ADAMTSL1: variants seen among roughly 807,000 people sequenced by gnomAD.
ADAMTSL1 encodes the protein ADAMTS like 1.
In ADAMTSL1, 126 loss-of-function variants were observed where a neutral mutation model predicts 201.8. That is an observed-to-expected ratio of 0.62 (90% CI 0.54 to 0.72). The LOEUF (loss-of-function observed/expected upper bound fraction) is 0.72, where lower values mean the gene tolerates loss of function less well. Ranked by LOEUF, ADAMTSL1 falls within the 30% of genes least tolerant of loss-of-function variation. The pLI, the probability that ADAMTSL1 is intolerant of heterozygous loss-of-function variation, is 0.00. For synonymous variants in ADAMTSL1, 1,121 were observed against 903.4 expected (o/e 1.24, Z -4.32); for missense variants, 2,679 against 2,277.8 (o/e 1.18, Z -3.59).
intron 2 of ADAMTSL1, among the ~76,000 whole-genome samples, chr9:18,347,386 T>C (rs991369117): frequency 6.6e-6 from 1 of 151,592 alleles, no homozygotes; most frequent in Non-Finnish European, 1.5e-5. Flanking sequence ...ACCACCAAGA[T>C]GATGAATGAC....
chr9:18,574,206 C>T lies in ADAMTSL1; in HGVS notation c.414C>T (p.Val138=). ...TGGTTGTTGAACTAGCACCTAAGGT[C>T]TTAGATGGTACGCGTTGCTATACAG... The part of the protein sequence containing the change: ...TTLVVELAPK[V]LDGTRCYTES... The change falls in exon 4 of 29, where the codon GTC becomes GTT. Residue 138 remains valine, a synonymous_variant. Transcript: ENST00000380548. 1 of 1,614,144 alleles carries T rather than the reference C, an allele frequency of 6.2e-7. No homozygotes were observed. Among genetic ancestry groups the T allele is most frequent in the Non-Finnish European group, 8.5e-7 (1 of 1,180,006 alleles).
chr9:18,124,077 GTTTTTTTTTTT>G (rs1157492042), intron 1 of ADAMTSL1, among the ~76,000 whole-genome samples: 1 of 70,836 alleles, frequency 1.4e-5, no homozygotes, highest in Non-Finnish European at 2.4e-5. Context: ...TTATTTGCCA[GTTTTTTTTTTT>G]TTTTTTTTTT....
intron 1 of ADAMTSL1, among the ~76,000 whole-genome samples, chr9:18,009,948 A>G (rs951913442): frequency 6.6e-6 from 1 of 152,012 alleles, no homozygotes; most frequent in South Asian, 2.1e-4. Flanking sequence ...AGATACTATA[A>G]ACATTTCTCG....
At chr9:18,535,476 C>T (rs941753403) in intron 3 of ADAMTSL1, among the ~76,000 whole-genome samples, 19 of 149,878 alleles carry the variant, frequency 1.3e-4, no homozygotes, top group Non-Finnish European at 2.3e-4. Flanking sequence ...ATTTTCCTGT[C>T]TTCTTCTTAG....
At chr9:18,767,944 G>A (rs1167501444) in intron 16 of ADAMTSL1, among the ~76,000 whole-genome samples, 1 of 152,226 alleles carries the variant, frequency 6.6e-6, no homozygotes, top group African/African-American at 2.4e-5. Flanking sequence ...GGAGCTGGTA[G>A]GACTTGTAAT....
intron 1 of ADAMTSL1, among the ~76,000 whole-genome samples, chr9:18,057,874 GTCT>G (rs765979981): frequency 2.0e-5 from 3 of 152,132 alleles, no homozygotes; most frequent in Non-Finnish European, 2.9e-5. Context: ...TGAACCCCTA[GTCT>G]TCTTTAGGTC....
At chr9:18,657,077 G>C (rs1459685727) in intron 7 of ADAMTSL1, among the ~76,000 whole-genome samples, 1 of 152,152 alleles carries the variant, frequency 6.6e-6, no homozygotes, top group Non-Finnish European at 1.5e-5. Context: ...GAATTACCTA[G>C]TTCGCTGGGC....
At chr9:18,844,190 T>A (rs901106567) in intron 23 of ADAMTSL1, among the ~76,000 whole-genome samples, 21 of 152,320 alleles carry the variant, frequency 1.4e-4, no homozygotes, top group African/African-American at 5.1e-4. Flanking sequence ...TCTTTGATGA[T>A]GGTGATGTAC....
chr9:18,376,571 G>A (rs1318019630), intron 2 of ADAMTSL1, among the ~76,000 whole-genome samples: 1 of 152,180 alleles, frequency 6.6e-6, no homozygotes. Context: ...TTGGGAGGCC[G>A]AGGTGGGTGG....
At chr9:18,616,634 G>A (rs1279486125) in intron 4 of ADAMTSL1, among the ~76,000 whole-genome samples, 5 of 152,034 alleles carry the variant, frequency 3.3e-5, no homozygotes, top group Admixed American at 6.6e-5. Context: ...CTGCTTATGT[G>A]TTCCTATTTT....
intron 13 of ADAMTSL1, among the ~76,000 whole-genome samples, chr9:18,694,032 G>A (rs1831397539): frequency 6.6e-6 from 1 of 152,140 alleles, no homozygotes; most frequent in African/African-American, 2.4e-5. Flanking sequence ...GAAGGAGAAG[G>A]GGAAGCAGGC....
At chr9:18,684,841 T>C in intron 13 of ADAMTSL1, 41 bp downstream of exon 13, 1 of 1,529,966 alleles carries the variant, frequency 6.5e-7, no homozygotes, top group Non-Finnish European at 8.8e-7. Context: ...TTTGAAACTG[T>C]TTTGTTTAAA....
intron 1 of ADAMTSL1, among the ~76,000 whole-genome samples, chr9:18,503,471 A>G (rs1822956499): frequency 7.4e-6 from 1 of 136,008 alleles, no homozygotes; most frequent in South Asian, 2.6e-4. Context: ...TCATCCACTC[A>G]TGGACATTTG....
Position 18,229,721 on chromosome 9 carries a change from A to G in ADAMTSL1, c.207+65740A>G, listed in dbSNP as rs138712702. On this transcript the variant is annotated intron_variant, in intron 2 of 29. Coordinates refer to the ADAMTSL1 transcript ENST00000680146. ...AACATTTTTTTTTTTTTGATATGGA[A>G]TTTCACTCTTGTTGCCCAGGCTGGA... 3.8e-3 allele frequency among the ~76,000 whole-genome samples: 573 copies of G among 151,478 alleles called. 3 individuals are homozygous for G. The highest frequency in any genetic ancestry group is 0.013 in the African/African-American group (544 of 41,294).
chr9:18,413,971 C>T (rs780908762), intron 2 of ADAMTSL1, among the ~76,000 whole-genome samples: 3 of 152,150 alleles, frequency 2.0e-5, no homozygotes, highest in Non-Finnish European at 4.4e-5. Context: ...AGGAAAATTA[C>T]AAAATCTGAA....
At chr9:18,268,221 A>G (rs570261291) in intron 2 of ADAMTSL1, among the ~76,000 whole-genome samples, 10 of 152,292 alleles carry the variant, frequency 6.6e-5, no homozygotes, top group Admixed American at 2.6e-4. Flanking sequence ...GTTTTCTATC[A>G]TCTATATCAA....
intron 2 of ADAMTSL1, among the ~76,000 whole-genome samples, chr9:18,185,077 T>G (rs191431313): frequency 6.6e-6 from 1 of 152,296 alleles, no homozygotes; most frequent in South Asian, 2.1e-4. Context: ...TTAATCTCTA[T>G]GGCTCAAAGA....
rs1363086584 is a variant in ADAMTSL1, at chr9:18,680,311, G to A, written c.1137-1G>A. The A allele has an allele frequency of 1.2e-6, 2 of 1,613,802 alleles. No homozygotes were observed. Among genetic ancestry groups the A allele is most frequent in the Admixed American group, 3.3e-5 (2 of 59,966 alleles). ...CCTGATGACTCCCCTTGCTTCTGTA[G>A]GTGGGAGGCCACCCCATGGACCGCG... On this transcript the variant is annotated splice_acceptor_variant, in intron 10 of 28. Coordinates refer to ENST00000380548, the MANE Select transcript of ADAMTSL1 (RefSeq NM_001040272.6). LOFTEE classifies it high-confidence loss of function.
rs1292899108 is a variant in ADAMTSL1, at chr9:18,909,255, G to C, written c.*707G>C. On this transcript the variant is annotated 3_prime_UTR_variant, in exon 29 of 29. Transcript: ENST00000380548. ...AAAGGAGCCTGTGGTGTTCCCCAGTGGGGCAGGGTGAGCAGGGGCTTCCAG... is the reference window on the plus strand; with the variant it reads ...AAAGGAGCCTGTGGTGTTCCCCAGTCGGGCAGGGTGAGCAGGGGCTTCCAG... 2 of 153,076 alleles carry C rather than the reference G, an allele frequency of 1.3e-5. No individual in the cohort carries two copies. Among genetic ancestry groups the C allele is most frequent in the Non-Finnish European group, 2.9e-5 (2 of 68,738 alleles). The allele number at this position is 153,076 out of a possible 1,614,324, so 9.5% of individuals were successfully genotyped here.
Sources: allele counts gnomAD v4.1 joint callset (sites outside exome capture counted in the v4.1 genomes callset), GRCh38; gene constraint gnomAD v4.1.1; transcripts MANE v1.5; gene names NCBI Gene and HGNC (gene_info 2026-07-23, HGNC 2026-07-21).